Variants in RBFOX1 observed in about 807,000 individuals in gnomAD.
RBFOX1 encodes RNA binding protein fox-1 homolog 1.
In RBFOX1, 8 loss-of-function variants were observed where a neutral mutation model predicts 57.7. The observed-to-expected ratio is 0.14, with a 90% CI of 0.08 to 0.25. The LOEUF is 0.25. Among genes scored for constraint, RBFOX1 ranks in the 10% least tolerant of loss-of-function variants. RBFOX1 has a pLI of 1.00. For missense variants in RBFOX1, 611 were observed against 548.5 expected (o/e 1.11, Z -1.14); for synonymous variants, 326 against 222.4 (o/e 1.47, Z -4.15).
intron 13 of RBFOX1, among the ~76,000 whole-genome samples, chr16:7,665,675 A>G (rs2069037061): frequency 6.6e-6 from 1 of 152,196 alleles, no homozygotes; most frequent in African/African-American, 2.4e-5. Context: ...TTATGATATG[A>G]GCATTGACGA....
At chr16:7,429,538 A>G (rs1250186671) in intron 4 of RBFOX1, among the ~76,000 whole-genome samples, 1 of 152,226 alleles carries the variant, frequency 6.6e-6, no homozygotes, top group Non-Finnish European at 1.5e-5. Flanking sequence ...AAGCTTCAAG[A>G]GAACAGGAAG....
At chr16:5,474,334 C>G (rs543038219) in intron 2 of RBFOX1, among the ~76,000 whole-genome samples, 2 of 152,282 alleles carry the variant, frequency 1.3e-5, no homozygotes, top group South Asian at 4.1e-4. Flanking sequence ...TAAAGCTTAA[C>G]TTGTTCATTA....
At chr16:6,505,537 T>A (rs1442814047) in intron 2 of RBFOX1, among the ~76,000 whole-genome samples, 3 of 152,204 alleles carry the variant, frequency 2.0e-5, no homozygotes, top group Non-Finnish European at 4.4e-5. Flanking sequence ...CTGTGTATTC[T>A]CACCGTCTAG....
intron 1 of RBFOX1, among the ~76,000 whole-genome samples, chr16:6,189,783 A>G (rs1005252999): frequency 1.3e-5 from 2 of 152,208 alleles, no homozygotes; most frequent in Non-Finnish European, 2.9e-5. Flanking sequence ...AAATTATTCC[A>G]TGGATATTTT....
intron 4 of RBFOX1, among the ~76,000 whole-genome samples, chr16:7,154,099 C>G (rs2076619467): frequency 6.6e-6 from 1 of 152,150 alleles, no homozygotes; most frequent in Admixed American, 6.5e-5. Flanking sequence ...GGAATATTAG[C>G]AGGTAGAAAA....
intron 1 of RBFOX1, among the ~76,000 whole-genome samples, chr16:5,420,727 G>A (rs1313329472): frequency 1.3e-5 from 2 of 151,990 alleles, no homozygotes; most frequent in East Asian, 3.9e-4. Flanking sequence ...GTAGAGATGG[G>A]GTTTCACCAT....
At chr16:7,523,847 G>C (rs1255311365) in intron 5 of RBFOX1, among the ~76,000 whole-genome samples, 2 of 152,180 alleles carry the variant, frequency 1.3e-5, no homozygotes, top group African/African-American at 4.8e-5. Context: ...AGCAGAACGT[G>C]GTCTATGACA....
chr16:6,142,442 C>T (rs984077098), intron 1 of RBFOX1, among the ~76,000 whole-genome samples: 1 of 151,858 alleles, frequency 6.6e-6, no homozygotes, highest in Admixed American at 6.6e-5. Context: ...AGGATGGTCT[C>T]GATCTCCTGA....
chr16:6,996,656 T>C (rs1284678875), intron 3 of RBFOX1, among the ~76,000 whole-genome samples: 1 of 152,204 alleles, frequency 6.6e-6, no homozygotes, highest in Admixed American at 6.5e-5. Context: ...GCTAATTAGT[T>C]TGTCTGAGGT....
At chr16:5,648,944 G>C (rs1251913937) in intron 3 of RBFOX1, among the ~76,000 whole-genome samples, 1 of 151,774 alleles carries the variant, frequency 6.6e-6, no homozygotes, top group Non-Finnish European at 1.5e-5. Context: ...CTCACCTGTA[G>C]TCCCAGCTAC....
chr16:5,915,643 C>G (rs1390349136), intron 4 of RBFOX1, among the ~76,000 whole-genome samples: 2 of 152,046 alleles, frequency 1.3e-5, no homozygotes, highest in African/African-American at 4.8e-5. Flanking sequence ...ACCAGCCTGG[C>G]CAATATGGTA....
rs150443744 is a variant in RBFOX1, at chr16:7,050,588, C to G, written c.-15-1469C>G. Among the ~76,000 whole-genome samples, 356 of 152,164 alleles carry G rather than the reference C, an allele frequency of 2.3e-3. 2 individuals carry two copies. Among genetic ancestry groups the G allele is most frequent in the Admixed American group, 6.1e-3 (93 of 15,264 alleles). On this transcript the variant is annotated intron_variant, in intron 3 of 15. Coordinates refer to ENST00000550418, the MANE Select transcript of RBFOX1 (RefSeq NM_018723.4). ...GCCTTCCTTCATTTTCTTTAATGATCTGTTTCACTGTATTTTTAACCCAAG... is the reference window on the plus strand; with the variant it reads ...GCCTTCCTTCATTTTCTTTAATGATGTGTTTCACTGTATTTTTAACCCAAG...
chr16:5,521,441 G>C (rs2044010573), intron 2 of RBFOX1, among the ~76,000 whole-genome samples: 1 of 152,120 alleles, frequency 6.6e-6, no homozygotes, highest in African/African-American at 2.4e-5. Context: ...TCATTTCTTA[G>C]AAGGCTGTGG....
At chr16:6,479,414 C>G (rs1037497654) in intron 2 of RBFOX1, among the ~76,000 whole-genome samples, 4 of 151,922 alleles carry the variant, frequency 2.6e-5, no homozygotes, top group South Asian at 4.2e-4. Context: ...ATGGTGAAAC[C>G]CTGTCTCTAC....
chr16:7,150,416 A>T (rs1464801942), intron 4 of RBFOX1, among the ~76,000 whole-genome samples: 1 of 152,116 alleles, frequency 6.6e-6, no homozygotes, highest in Non-Finnish European at 1.5e-5. Flanking sequence ...CCCGGGCTGT[A>T]TTTGAAAACT....
chr16:7,500,238 G>C (rs1241104438), intron 4 of RBFOX1, among the ~76,000 whole-genome samples: 1 of 152,230 alleles, frequency 6.6e-6, no homozygotes, highest in African/African-American at 2.4e-5. Context: ...TTGGGAAAGA[G>C]TCAGTTACTG....
chr16:5,798,215 C>T (rs2151747532), intron 3 of RBFOX1, among the ~76,000 whole-genome samples: 1 of 152,260 alleles, frequency 6.6e-6, no homozygotes, highest in Middle Eastern at 3.4e-3. Flanking sequence ...TTGGACATAG[C>T]ACATAGATGT....
At chr16:5,370,654 A>G (rs986770685) in intron 1 of RBFOX1, among the ~76,000 whole-genome samples, 1 of 150,840 alleles carries the variant, frequency 6.6e-6, no homozygotes, top group Non-Finnish European at 1.5e-5. Context: ...TACCACACTC[A>G]GCTATTTTTT....
intron 1 of RBFOX1, among the ~76,000 whole-genome samples, chr16:6,056,208 G>A (rs377332130): frequency 5.3e-5 from 8 of 152,236 alleles, no homozygotes; most frequent in African/African-American, 1.4e-4. Flanking sequence ...CTGTGGTCTC[G>A]CCTGAGGATT....
Sources: gnomAD v4.1 joint callset for allele counts (sites outside exome capture counted in the v4.1 genomes callset) on GRCh38, gnomAD v4.1.1 for gene constraint, MANE v1.5 for transcripts, NCBI Gene and HGNC (gene_info 2026-07-23, HGNC 2026-07-21) for gene names.